Variants in FREM3 observed in about 807,000 individuals in gnomAD.
The protein encoded by FREM3 is FRAS1 related extracellular matrix 3, also known as FRAS1-related extracellular matrix protein 3.
A neutral mutation model predicts 129.1 loss-of-function variants in FREM3; 105 were observed. The ratio of observed to expected loss-of-function variants is 0.81; its 90% CI spans 0.69 to 0.96. The LOEUF (loss-of-function observed/expected upper bound fraction) is 0.96, where lower values mean the gene tolerates loss of function less well. Ranked by LOEUF, FREM3 falls within the 40% of genes least tolerant of loss-of-function variation. The probability of loss-of-function intolerance (pLI) is 0.00; values close to 1 mark genes in which losing one functional copy is unlikely to be tolerated. For missense variants in FREM3, 2,593 were observed against 2,666.3 expected, an observed-to-expected ratio of 0.97 and a Z score of 0.61; for synonymous variants, 1,014 against 1,044.9, an observed-to-expected ratio of 0.97 and a Z score of 0.57.
intron 7 of FREM3, among the ~76,000 whole-genome samples, chr4:143,584,463 A>C (rs889189855): frequency 9.2e-5 from 14 of 152,180 alleles, no homozygotes; most frequent in Non-Finnish European, 1.5e-4. Flanking sequence ...GAAAACAAAA[A>C]AAGCAGGGGT....
chr4:143,621,432 C>CT (rs1296019161), intron 4 of FREM3, among the ~76,000 whole-genome samples: 6 of 152,012 alleles, frequency 3.9e-5, no homozygotes, highest in Non-Finnish European at 4.4e-5. Flanking sequence ...AATTTCATGT[C>CT]TTTTTTTTCT....
At chr4:143,589,280 A>T (rs1053148278) in intron 6 of FREM3, among the ~76,000 whole-genome samples, 4 of 152,110 alleles carry the variant, frequency 2.6e-5, no homozygotes, top group African/African-American at 9.7e-5. Flanking sequence ...TTTTGTTGCC[A>T]TTGCTTTTGG....
At chr4:143,677,404 A>T (rs1276395107) in intron 2 of FREM3, among the ~76,000 whole-genome samples, 1 of 152,248 alleles carries the variant, frequency 6.6e-6, no homozygotes, top group Non-Finnish European at 1.5e-5. Context: ...AAGATGGATT[A>T]AAGACTTAAA....
chr4:143,663,394 G>T (rs1739781716), intron 2 of FREM3, among the ~76,000 whole-genome samples: 1 of 152,112 alleles, frequency 6.6e-6, no homozygotes, highest in African/African-American at 2.4e-5. Context: ...TTTTCTTTAA[G>T]AATGTTGAAT....
At chr4:143,605,869 G>T (rs543671047) in intron 6 of FREM3, among the ~76,000 whole-genome samples, 1 of 152,162 alleles carries the variant, frequency 6.6e-6, no homozygotes, top group East Asian at 1.9e-4. Context: ...GTAATTTAAT[G>T]CCATTTCTAT....
chr4:143,697,519 T>TTA lies in FREM3; in HGVS notation c.3155_3156dup (p.Ile1053Ter), dbSNP rs1398220457. 1 of 1,537,320 alleles carries TTA rather than the reference T, an allele frequency of 6.5e-7. No homozygotes were observed. Among genetic ancestry groups the TTA allele is most frequent in the Admixed American group, 2.0e-5 (1 of 51,006 alleles). Reference sequence around the variant, plus strand: ...GTTACTTGTACCTGTACTTTCTCTATTATGCTATTCCCCACTACCCATTGG... The same window carrying TTA: ...GTTACTTGTACCTGTACTTTCTCTATTATATGCTATTCCCCACTACCCATTGG... On this transcript the variant is annotated frameshift_variant, in exon 1 of 8. Transcript: ENST00000329798. LOFTEE classifies it high-confidence loss of function.
chr4:143,663,240 T>C (rs547956141), intron 2 of FREM3, among the ~76,000 whole-genome samples: 15 of 152,280 alleles, frequency 9.9e-5, no homozygotes, highest in Non-Finnish European at 1.3e-4. Context: ...CCTTTCCATG[T>C]TTAGTGCTTC....
intron 2 of FREM3, among the ~76,000 whole-genome samples, chr4:143,640,041 C>T (rs1304494821): frequency 1.3e-5 from 2 of 152,198 alleles, no homozygotes; most frequent in African/African-American, 2.4e-5. Context: ...TGCTGTTTCA[C>T]ATCTCTGAAA....
intron 2 of FREM3, among the ~76,000 whole-genome samples, chr4:143,664,909 C>T (rs1739826380): frequency 6.6e-6 from 1 of 152,172 alleles, no homozygotes. Context: ...GGGATATAAT[C>T]TCCTAGTGCA....
At position 143,641,972 on chromosome 4, in the gene FREM3, T is replaced by C. The variant is rs533229877; in HGVS notation, c.5276-14212A>G. 1.3e-3 allele frequency among the ~76,000 whole-genome samples: 200 copies of C among 152,242 alleles called. 2 individuals carry two copies. The South Asian group carries it at 0.04, about 31-fold the overall frequency. On this transcript the variant is annotated intron_variant, in intron 2 of 7. Transcript: ENST00000329798. ...GTATAGAGAGGAAAAATTTTAAAGA[T>C]GGCAGAATAATCATAGATGAATCAT... is the stretch of plus-strand genomic sequence containing the variant.
At chr4:143,667,239 A>G (rs1218746092) in intron 2 of FREM3, among the ~76,000 whole-genome samples, 4 of 152,180 alleles carry the variant, frequency 2.6e-5, no homozygotes, top group Admixed American at 6.5e-5. Context: ...TTTCACCACT[A>G]TATTCTATAT....
At chr4:143,582,291 A>G (rs1164457414) in intron 7 of FREM3, among the ~76,000 whole-genome samples, 1 of 152,266 alleles carries the variant, frequency 6.6e-6, no homozygotes, top group East Asian at 1.9e-4. Flanking sequence ...GAGTGCTGAG[A>G]GGGAACATGG....
intron 2 of FREM3, among the ~76,000 whole-genome samples, chr4:143,675,456 C>T (rs1278699350): frequency 6.6e-6 from 1 of 152,104 alleles, no homozygotes; most frequent in Non-Finnish European, 1.5e-5. Flanking sequence ...CTAAAATTGA[C>T]ACCCTAACAT....
chr4:143,683,272 A>G (rs1454600057), intron 2 of FREM3, among the ~76,000 whole-genome samples: 1 of 152,198 alleles, frequency 6.6e-6, no homozygotes, highest in Non-Finnish European at 1.5e-5. Context: ...CAAACCAGCA[A>G]TCCCAAGAGG....
intron 6 of FREM3, among the ~76,000 whole-genome samples, chr4:143,587,473 G>T (rs1738262722): frequency 6.6e-6 from 1 of 152,168 alleles, no homozygotes; most frequent in African/African-American, 2.4e-5. Context: ...TGTAGTAATT[G>T]TATGTATTTA....
At chr4:143,626,000 A>G (rs1267363571) in intron 3 of FREM3, among the ~76,000 whole-genome samples, 2 of 152,332 alleles carry the variant, frequency 1.3e-5, no homozygotes, top group East Asian at 3.9e-4. Context: ...AGAGTAAGTG[A>G]CAGAGCAGGA....
chr4:143,677,663 C>T (rs1429226252), intron 2 of FREM3, among the ~76,000 whole-genome samples: 1 of 152,152 alleles, frequency 6.6e-6, no homozygotes, highest in Non-Finnish European at 1.5e-5. Context: ...GGGCTAATAT[C>T]CAGAATCTAC....
rs138536320 is a variant in FREM3 at position 143,671,206 on chromosome 4, C to T, written c.5275+21907G>A. 1.7e-4 allele frequency among the ~76,000 whole-genome samples: 26 copies of T among 152,178 alleles called. No homozygotes were observed. The East Asian group carries it at 2.7e-3, about 16-fold the overall frequency. ...TATTCAACTAATATGATTTGATCACCTATTATATGTCAGGCAGGCATTTCA... is the reference window on the plus strand; with the variant it reads ...TATTCAACTAATATGATTTGATCACTTATTATATGTCAGGCAGGCATTTCA... On this transcript the variant is annotated intron_variant, in intron 2 of 7. Transcript: ENST00000329798.
intron 2 of FREM3, among the ~76,000 whole-genome samples, chr4:143,634,145 G>T (rs1473669522): frequency 6.6e-6 from 1 of 152,066 alleles, no homozygotes; most frequent in African/African-American, 2.4e-5. Context: ...TTTTAATTTG[G>T]CTTTGATGTG....
Sources: allele counts gnomAD v4.1 joint callset (sites outside exome capture counted in the v4.1 genomes callset), GRCh38; gene constraint gnomAD v4.1.1; transcripts MANE v1.5; gene names NCBI Gene and HGNC (gene_info 2026-07-23, HGNC 2026-07-21).